The following PLEKHM3 variants were observed in gnomAD, a reference collection of about 807,000 sequenced individuals.
The protein encoded by PLEKHM3 is pleckstrin homology domain containing M3, also known as pleckstrin homology domain-containing family M member 3.
Under a neutral mutation model 81.8 loss-of-function variants are expected in PLEKHM3, and 45 were observed. The observed-to-expected ratio is 0.55, with a 90% CI of 0.43 to 0.71. PLEKHM3 has a LOEUF of 0.71. Ranked by LOEUF, PLEKHM3 falls within the 30% of genes least tolerant of loss-of-function variation. PLEKHM3 has a pLI of 0.00. For synonymous variants in PLEKHM3, 352 were observed against 356.4 expected (o/e 0.99, Z 0.14); for missense variants, 788 against 924.3 (o/e 0.85, Z 1.91).
chr2:207,936,612 A>G (rs1689760087), intron 4 of PLEKHM3, among the ~76,000 whole-genome samples: 1 of 152,166 alleles, frequency 6.6e-6, no homozygotes, highest in Non-Finnish European at 1.5e-5. Flanking sequence ...AGGAAGCTAC[A>G]AGGTGAAAAC....
intron 7 of PLEKHM3, among the ~76,000 whole-genome samples, chr2:207,829,814 C>G (rs1039653379): frequency 1.7e-4 from 26 of 152,084 alleles, no homozygotes; most frequent in African/African-American, 5.3e-4. Flanking sequence ...GAGGGCTCAG[C>G]CTCAGGCTTC....
chr2:207,939,320 G>A (rs1689859683), intron 4 of PLEKHM3, among the ~76,000 whole-genome samples: 1 of 152,166 alleles, frequency 6.6e-6, no homozygotes. Context: ...ACAATCAGGA[G>A]AGGAAAAGAG....
Position 207,891,180 on chromosome 2 carries a change from G to C in PLEKHM3, c.1950+17334C>G, listed in dbSNP as rs77678807. Among the ~76,000 whole-genome samples the C allele has an allele frequency of 6.4e-3, 977 of 152,330 alleles. 7 individuals are homozygous for C. The highest frequency in any genetic ancestry group is 0.02 in the Middle Eastern group (6 of 294). Reference sequence around the variant, plus strand: ...AAGGTGTTCTTGCTATCCAGGGATAGTTTTAACTGCTGGTCAGAATAAAAA... The same window carrying C: ...AAGGTGTTCTTGCTATCCAGGGATACTTTTAACTGCTGGTCAGAATAAAAA... On this transcript the variant is annotated intron_variant, in intron 6 of 7. Transcript: ENST00000427836.
chr2:207,880,911 T>C (rs931380171), intron 6 of PLEKHM3, among the ~76,000 whole-genome samples: 159 of 150,552 alleles, frequency 1.1e-3, no homozygotes, highest in Non-Finnish European at 1.5e-3. Context: ...TGTTTTTTAA[T>C]GACAATGGTT....
chr2:207,921,489 A>G (rs902202400), intron 5 of PLEKHM3, among the ~76,000 whole-genome samples: 3 of 152,198 alleles, frequency 2.0e-5, no homozygotes, highest in Non-Finnish European at 4.4e-5. Flanking sequence ...ATCATCTCAA[A>G]CATTTATCAT....
At chr2:207,855,168 T>A (rs1472115020) in intron 7 of PLEKHM3, among the ~76,000 whole-genome samples, 1 of 152,078 alleles carries the variant, frequency 6.6e-6, no homozygotes, top group African/African-American at 2.4e-5. Flanking sequence ...AGTAAGACGA[T>A]CCTGGTGCAT....
chr2:208,008,886 A>G (rs2106108493), intron 1 of PLEKHM3, among the ~76,000 whole-genome samples: 1 of 152,338 alleles, frequency 6.6e-6, no homozygotes, highest in South Asian at 2.1e-4. Flanking sequence ...TGCAACTCCA[A>G]TAACTTCTTC....
intron 2 of PLEKHM3, among the ~76,000 whole-genome samples, chr2:207,986,819 T>C (rs1691738452): frequency 6.6e-6 from 1 of 151,064 alleles, no homozygotes. Context: ...TACAGGCGTG[T>C]GCCAACCATG....
Position 208,021,224 on chromosome 2 carries a change from T to C in PLEKHM3, c.-319+4165A>G, listed in dbSNP as rs561512281. 8.5e-5 allele frequency among the ~76,000 whole-genome samples: 13 copies of C among 152,370 alleles called. No individual in the cohort carries two copies. In the East Asian group the frequency reaches 1.5e-3, roughly 18 times the overall value. Reference sequence around the variant, plus strand: ...CCTAATCAGGCACCATTTTTTTCTGTAAATGGTTACATATTCTTCACAGTT... The same window carrying C: ...CCTAATCAGGCACCATTTTTTTCTGCAAATGGTTACATATTCTTCACAGTT... On this transcript the variant is annotated intron_variant, in intron 1 of 7. Transcript: ENST00000427836.
At chr2:207,992,346 T>C (rs1364019762) in intron 2 of PLEKHM3, among the ~76,000 whole-genome samples, 2 of 152,220 alleles carry the variant, frequency 1.3e-5, no homozygotes, top group African/African-American at 4.8e-5. Flanking sequence ...TAAACTGTTG[T>C]GAGTATTAAC....
intron 6 of PLEKHM3, among the ~76,000 whole-genome samples, chr2:207,904,202 G>A (rs897319662): frequency 3.3e-5 from 5 of 152,078 alleles, no homozygotes; most frequent in Non-Finnish European, 7.4e-5. Flanking sequence ...TTAAAAATGA[G>A]CAGTACCTTC....
At chr2:207,882,060 G>A (rs1420805464) in intron 6 of PLEKHM3, among the ~76,000 whole-genome samples, 1 of 152,194 alleles carries the variant, frequency 6.6e-6, no homozygotes, top group Non-Finnish European at 1.5e-5. Context: ...ACATTTTTCA[G>A]TGGTTCTGCC....
intron 5 of PLEKHM3, among the ~76,000 whole-genome samples, chr2:207,922,013 C>A (rs890408825): frequency 6.6e-6 from 1 of 152,196 alleles, no homozygotes; most frequent in Admixed American, 6.5e-5. Flanking sequence ...AGTAGGATTG[C>A]TGGATCATAT....
intron 6 of PLEKHM3, among the ~76,000 whole-genome samples, chr2:207,876,169 G>A (rs1014879889): frequency 6.6e-6 from 1 of 152,124 alleles, no homozygotes; most frequent in Non-Finnish European, 1.5e-5. Context: ...AAGCTCAGGC[G>A]ATCCTCTGCC....
intron 5 of PLEKHM3, among the ~76,000 whole-genome samples, chr2:207,909,099 C>T (rs1302729962): frequency 2.0e-5 from 3 of 152,134 alleles, no homozygotes; most frequent in Non-Finnish European, 2.9e-5. Context: ...AGGAGTGATA[C>T]TGAATATCAT....
rs898673885 is a variant in PLEKHM3, at chr2:207,825,556, A to G, written c.*2763T>C. ...CTAACAGTGCACCAAGTAATTTGTT[A>G]AAGTTGAAAACAGTAAGGGCGTTCA... On this transcript the variant is annotated 3_prime_UTR_variant, in exon 8 of 8. Coordinates refer to ENST00000427836, the MANE Select transcript of PLEKHM3 (RefSeq NM_001080475.3). The G allele has an allele frequency of 6.6e-6, 1 of 152,232 alleles. No homozygotes were observed. The highest frequency in any genetic ancestry group is 1.5e-5 in the Non-Finnish European group (1 of 68,036). 9.4% of individuals were successfully genotyped at this position (152,232 alleles called of 1,614,324 possible).
At chr2:207,952,529 A>T (rs1333142783) in intron 3 of PLEKHM3, among the ~76,000 whole-genome samples, 1 of 152,236 alleles carries the variant, frequency 6.6e-6, no homozygotes, top group African/African-American at 2.4e-5. Context: ...TTGGCTCATT[A>T]AGTAGTGAAA....
chr2:207,971,633 T>A (rs1019255947), intron 3 of PLEKHM3, among the ~76,000 whole-genome samples: 14 of 152,022 alleles, frequency 9.2e-5, no homozygotes, highest in Non-Finnish European at 1.9e-4. Context: ...TAATATAGAA[T>A]CACATACAGG....
At chr2:207,929,621 C>T (rs1435114131) in intron 5 of PLEKHM3, among the ~76,000 whole-genome samples, 1 of 152,108 alleles carries the variant, frequency 6.6e-6, no homozygotes, top group Non-Finnish European at 1.5e-5. Flanking sequence ...TTAAGATCTG[C>T]CTAGACTTTA....
Sources: allele counts gnomAD v4.1 joint callset (sites outside exome capture counted in the v4.1 genomes callset), GRCh38; gene constraint gnomAD v4.1.1; transcripts MANE v1.5; gene names NCBI Gene and HGNC (gene_info 2026-07-23, HGNC 2026-07-21).